Variants in GCH1 observed in about 807,000 individuals in gnomAD.
GCH1 encodes the protein GTP cyclohydrolase 1.
In GCH1, 5 loss-of-function variants were observed where a neutral mutation model predicts 25.9. That is an observed-to-expected ratio of 0.19 (90% confidence interval 0.10 to 0.41). The LOEUF (loss-of-function observed/expected upper bound fraction) is 0.41, where lower values mean the gene tolerates loss of function less well. GCH1 is among the 10% of genes least tolerant of loss of function. The pLI is 1.00. For synonymous variants in GCH1, 159 were observed against 129.6 expected (o/e 1.23, Z -1.54); for missense variants, 261 against 336.5 (o/e 0.78, Z 1.75).
chr14:54,848,690 C>T (rs945640398), intron 3 of GCH1, among the ~76,000 whole-genome samples: 3 of 152,132 alleles, frequency 2.0e-5, no homozygotes, highest in Non-Finnish European at 4.4e-5. Context: ...GTAACAGGTC[C>T]GCCACCCCGT....
At chr14:54,863,700 C>T (rs2039950315) in intron 2 of GCH1, among the ~76,000 whole-genome samples, 1 of 151,956 alleles carries the variant, frequency 6.6e-6, no homozygotes. Flanking sequence ...AATCTTTCCA[C>T]TTACATATAG....
At chr14:54,888,750 C>A (rs2040387471) in intron 1 of GCH1, among the ~76,000 whole-genome samples, 2 of 150,758 alleles carry the variant, frequency 1.3e-5, no homozygotes, top group Admixed American at 6.6e-5. Flanking sequence ...GTCTCGATCT[C>A]CTGACCTGGT....
chr14:54,900,845 T>TCTCACACACACACA (rs372705352), intron 1 of GCH1, among the ~76,000 whole-genome samples: 1 of 144,634 alleles, frequency 6.9e-6, no homozygotes, highest in African/African-American at 2.6e-5. Flanking sequence ...GTGAAATATC[T>TCTCACACACACACA]CACACACACA....
intron 3 of GCH1, among the ~76,000 whole-genome samples, chr14:54,852,091 A>AT (rs1389955008): frequency 6.6e-6 from 1 of 152,112 alleles, no homozygotes; most frequent in Non-Finnish European, 1.5e-5. Flanking sequence ...CACCCAGCCT[A>AT]TTTTTTAATA....
At chr14:54,867,690 T>G (rs151306555) in intron 1 of GCH1, among the ~76,000 whole-genome samples, 3 of 149,844 alleles carry the variant, frequency 2.0e-5, no homozygotes, top group African/African-American at 7.4e-5. Context: ...GGCTATAAAA[T>G]GAGCATAAAG....
chr14:54,863,407 G>A (rs1594987135), intron 2 of GCH1, among the ~76,000 whole-genome samples: 1 of 118,244 alleles, frequency 8.5e-6, no homozygotes, highest in Admixed American at 1.1e-4. Flanking sequence ...GGGCGACAGA[G>A]CGAGACTCCG....
intron 3 of GCH1, among the ~76,000 whole-genome samples, chr14:54,854,927 G>A (rs1366531437): frequency 6.6e-6 from 1 of 152,168 alleles, no homozygotes; most frequent in African/African-American, 2.4e-5. Flanking sequence ...TCTTTGGAGA[G>A]CAATTTCATA....
At chr14:54,853,550 C>T (rs979329574) in intron 3 of GCH1, among the ~76,000 whole-genome samples, 5 of 152,084 alleles carry the variant, frequency 3.3e-5, no homozygotes, top group Non-Finnish European at 5.9e-5. Context: ...TATCTTGATA[C>T]GCTGTGCCAA....
chr14:54,880,791 CAT>C lies in GCH1; in HGVS notation c.344-15357_344-15356del, dbSNP rs200522006. Among the ~76,000 whole-genome samples, 77 of 43,684 alleles carry C rather than the reference CAT, an allele frequency of 1.8e-3. 13 individuals carry two copies. The highest frequency in any genetic ancestry group is 2.4e-3 in the African/African-American group (15 of 6,376). The allele number at this position is 43,684 out of a possible 152,430, so 28.7% of individuals were successfully genotyped here. ...ATATACTCCATATATATATATACTC[CAT>C]ATATATATATATACTCCATATATAT... On this transcript the variant is annotated intron_variant, in intron 1 of 5. Coordinates refer to ENST00000491895, the MANE Select transcript of GCH1 (RefSeq NM_000161.3).
chr14:54,902,256 C>A, intron 1 of GCH1, 65 bp downstream of exon 1: 5 of 1,540,132 alleles, frequency 3.2e-6, no homozygotes, highest in Non-Finnish European at 3.5e-6. Context: ...CTGGAGCCGG[C>A]GCGCGTTTCC....
intron 1 of GCH1, among the ~76,000 whole-genome samples, chr14:54,882,007 T>G (rs1351995721): frequency 6.6e-6 from 1 of 152,224 alleles, no homozygotes; most frequent in African/African-American, 2.4e-5. Context: ...AAGTTATCTT[T>G]ACTAACATTT....
chr14:54,850,566 G>T (rs2039713635), intron 3 of GCH1, among the ~76,000 whole-genome samples: 1 of 151,978 alleles, frequency 6.6e-6, no homozygotes, highest in African/African-American at 2.4e-5. Context: ...GTATGTAAGT[G>T]CCACGTTGGT....
At chr14:54,845,275 C>G (rs571275711) in intron 5 of GCH1, among the ~76,000 whole-genome samples, 1 of 150,972 alleles carries the variant, frequency 6.6e-6, no homozygotes, top group African/African-American at 2.4e-5. Context: ...GTCAGGAGTT[C>G]GAGACCAGCC....
intron 3 of GCH1, among the ~76,000 whole-genome samples, chr14:54,847,671 T>TAC (rs1218411631): frequency 6.6e-6 from 1 of 151,628 alleles, no homozygotes; most frequent in East Asian, 1.9e-4. Context: ...CCCCTTTATA[T>TAC]ATATATATAT....
chr14:54,874,173 C>T (rs1347690635), intron 1 of GCH1, among the ~76,000 whole-genome samples: 1 of 152,188 alleles, frequency 6.6e-6, no homozygotes, highest in African/African-American at 2.4e-5. Context: ...CCCTGGGATG[C>T]AAGGCTGGTT....
At chr14:54,899,537 CCCA>C (rs1487234856) in intron 1 of GCH1, among the ~76,000 whole-genome samples, 2 of 152,092 alleles carry the variant, frequency 1.3e-5, no homozygotes, top group Non-Finnish European at 2.9e-5. Context: ...ACAGGGTCTC[CCCA>C]CGTTGCCCAG....
chr14:54,878,516 C>T (rs978510740), intron 1 of GCH1, among the ~76,000 whole-genome samples: 15 of 152,148 alleles, frequency 9.9e-5, no homozygotes, highest in Non-Finnish European at 2.2e-4. Context: ...TCCAGACCCT[C>T]ATAGTTCCAT....
At chr14:54,856,850 T>C (rs2039819319) in intron 3 of GCH1, among the ~76,000 whole-genome samples, 1 of 152,178 alleles carries the variant, frequency 6.6e-6, no homozygotes, top group Non-Finnish European at 1.5e-5. Flanking sequence ...ATTCTAGAAT[T>C]CTACTAGAGT....
intron 1 of GCH1, among the ~76,000 whole-genome samples, chr14:54,872,768 T>C (rs1386276759): frequency 6.6e-6 from 1 of 152,022 alleles, no homozygotes; most frequent in Non-Finnish European, 1.5e-5. Context: ...TACATAATGG[T>C]AAAGGGATCA....
Sources: allele counts gnomAD v4.1 joint callset (sites outside exome capture counted in the v4.1 genomes callset), GRCh38; gene constraint gnomAD v4.1.1; transcripts MANE v1.5; gene names NCBI Gene and HGNC (gene_info 2026-07-23, HGNC 2026-07-21).